The following CNTNAP2 variants were observed in gnomAD, a reference collection of about 807,000 sequenced individuals.
CNTNAP2 encodes contactin associated protein 2.
In CNTNAP2, 98 loss-of-function variants were observed where a neutral mutation model predicts 155.2. That is an observed-to-expected ratio of 0.63 (90% CI 0.54 to 0.75). CNTNAP2 has a LOEUF of 0.75. Ranked by LOEUF, CNTNAP2 falls within the 30% of genes least tolerant of loss-of-function variation. The pLI is 0.00. For synonymous variants in CNTNAP2, 651 were observed against 631.2 expected (o/e 1.03, Z -0.47); for missense variants, 1,727 against 1,688.1 (o/e 1.02, Z -0.40).
intron 11 of CNTNAP2, among the ~76,000 whole-genome samples, chr7:147,492,041 A>G (rs1278449354): frequency 1.3e-5 from 2 of 152,206 alleles, no homozygotes; most frequent in Non-Finnish European, 2.9e-5. Context: ...AGTTGCAACA[A>G]AGATAATATC....
At chr7:147,402,937 A>G (rs1188598298) in intron 10 of CNTNAP2, among the ~76,000 whole-genome samples, 1 of 146,846 alleles carries the variant, frequency 6.8e-6, no homozygotes, top group Non-Finnish European at 1.5e-5. Context: ...AGCCAAAGAC[A>G]TTCCAAATAA....
At chr7:147,988,523 A>G (rs930666955) in intron 15 of CNTNAP2, among the ~76,000 whole-genome samples, 1 of 152,192 alleles carries the variant, frequency 6.6e-6, no homozygotes, top group Non-Finnish European at 1.5e-5. Context: ...AATAAAACCC[A>G]TCTGATGAAA....
intron 10 of CNTNAP2, among the ~76,000 whole-genome samples, chr7:147,445,573 A>G (rs925896976): frequency 2.0e-5 from 3 of 152,212 alleles, no homozygotes; most frequent in Non-Finnish European, 4.4e-5. Context: ...ACACTGCTTG[A>G]CACAAAGTAC....
At chr7:147,773,845 AT>A (rs893884234) in intron 13 of CNTNAP2, among the ~76,000 whole-genome samples, 14 of 150,838 alleles carry the variant, frequency 9.3e-5, no homozygotes, top group African/African-American at 3.0e-4. Context: ...TAAACAAAAA[AT>A]TTTTTTTAAT....
chr7:146,505,034 C>T (rs2129134006), intron 1 of CNTNAP2, among the ~76,000 whole-genome samples: 1 of 152,340 alleles, frequency 6.6e-6, no homozygotes, highest in South Asian at 2.1e-4. Flanking sequence ...TAACGAGCCC[C>T]ATCCATCACA....
intron 1 of CNTNAP2, among the ~76,000 whole-genome samples, chr7:146,577,573 T>C (rs1330264697): frequency 6.6e-6 from 1 of 151,890 alleles, no homozygotes; most frequent in Admixed American, 6.6e-5. Flanking sequence ...ATTCAGGGAA[T>C]CAAGAAAATT....
At chr7:147,068,648 C>T (rs1027494530) in intron 4 of CNTNAP2, among the ~76,000 whole-genome samples, 2 of 152,160 alleles carry the variant, frequency 1.3e-5, no homozygotes, top group African/African-American at 4.8e-5. Flanking sequence ...TGAGCCACTG[C>T]GCTTGGCCAC....
At chr7:146,354,503 C>T (rs1262970911) in intron 1 of CNTNAP2, among the ~76,000 whole-genome samples, 1 of 151,738 alleles carries the variant, frequency 6.6e-6, no homozygotes, top group Non-Finnish European at 1.5e-5. Flanking sequence ...CAGTCTCCAC[C>T]TCCCAGGTTC....
At chr7:146,884,835 A>G (rs1428504482) in intron 3 of CNTNAP2, among the ~76,000 whole-genome samples, 2 of 152,200 alleles carry the variant, frequency 1.3e-5, no homozygotes, top group Non-Finnish European at 2.9e-5. Context: ...AATAAAAAGT[A>G]CAATAATTAT....
intron 13 of CNTNAP2, among the ~76,000 whole-genome samples, chr7:147,784,345 C>T (rs1458143875): frequency 7.2e-6 from 1 of 138,304 alleles, no homozygotes; most frequent in Non-Finnish European, 1.6e-5. Context: ...TTTTAAAACA[C>T]AAAGATTATC....
At chr7:146,615,534 T>C (rs924424156) in intron 1 of CNTNAP2, among the ~76,000 whole-genome samples, 2 of 152,190 alleles carry the variant, frequency 1.3e-5, no homozygotes, top group African/African-American at 4.8e-5. Flanking sequence ...ATGAAATAAT[T>C]GGTTGCAGGT....
intron 13 of CNTNAP2, among the ~76,000 whole-genome samples, chr7:147,825,295 G>T (rs1000628808): frequency 3.3e-5 from 5 of 152,182 alleles, no homozygotes; most frequent in African/African-American, 9.6e-5. Context: ...GTTCTTAGTA[G>T]CACCAGGTTG....
chr7:146,499,770 A>T (rs987657852), intron 1 of CNTNAP2, among the ~76,000 whole-genome samples: 1 of 152,162 alleles, frequency 6.6e-6, no homozygotes, highest in Non-Finnish European at 1.5e-5. Context: ...AAGAATAGCC[A>T]CTGGTGTTGT....
At chr7:148,308,190 T>G (rs1459102872) in intron 21 of CNTNAP2, among the ~76,000 whole-genome samples, 1 of 152,190 alleles carries the variant, frequency 6.6e-6, no homozygotes, top group Non-Finnish European at 1.5e-5. Flanking sequence ...TTCTTCTTGC[T>G]TTAAGAAGAA....
At chr7:146,223,502 T>G (rs779534985) in intron 1 of CNTNAP2, among the ~76,000 whole-genome samples, 28 of 152,136 alleles carry the variant, frequency 1.8e-4, no homozygotes, top group Non-Finnish European at 3.8e-4. Context: ...CTGTCACCCT[T>G]CTGTCTAGTT....
chr7:146,478,039 T>G (rs1366843839), intron 1 of CNTNAP2, among the ~76,000 whole-genome samples: 1 of 152,052 alleles, frequency 6.6e-6, no homozygotes, highest in Non-Finnish European at 1.5e-5. Flanking sequence ...GACAGAGAGT[T>G]GGTTTGGGGT....
At chr7:146,389,470 T>C (rs1296893569) in intron 1 of CNTNAP2, among the ~76,000 whole-genome samples, 2 of 152,064 alleles carry the variant, frequency 1.3e-5, no homozygotes, top group Non-Finnish European at 2.9e-5. Context: ...CTTTGTCTTT[T>C]TGTTATTCTT....
At chr7:148,213,049 G>A (rs1449625775) in intron 18 of CNTNAP2, among the ~76,000 whole-genome samples, 3 of 152,140 alleles carry the variant, frequency 2.0e-5, no homozygotes, top group Non-Finnish European at 4.4e-5. Context: ...TGGAATGGCT[G>A]TCTCCAGGGC....
At chr7:147,483,747 G>T (rs1798465628) in intron 10 of CNTNAP2, among the ~76,000 whole-genome samples, 1 of 152,190 alleles carries the variant, frequency 6.6e-6, no homozygotes, top group Non-Finnish European at 1.5e-5. Context: ...ATTTTGAAGT[G>T]TCTAGCCCAT....
Sources: allele counts gnomAD v4.1 joint callset (sites outside exome capture counted in the v4.1 genomes callset), GRCh38; gene constraint gnomAD v4.1.1; transcripts MANE v1.5; gene names NCBI Gene and HGNC (gene_info 2026-07-23, HGNC 2026-07-21).